USP8: variants seen among roughly 807,000 people sequenced by gnomAD.
USP8 encodes ubiquitin specific peptidase 8.
Under a neutral mutation model 130.0 loss-of-function variants are expected in USP8, and 27 were observed. The observed-to-expected ratio is 0.21, with a 90% CI of 0.15 to 0.29. The LOEUF (loss-of-function observed/expected upper bound fraction) is 0.29. Among genes scored for constraint, USP8 ranks in the 10% least tolerant of loss-of-function variants. USP8 has a pLI of 1.00. For synonymous variants in USP8, 392 were observed against 444.1 expected (o/e 0.88, Z 1.48); for missense variants, 1,029 against 1,312.2 (o/e 0.78, Z 3.33).
At chr15:50,488,159 A>C (rs991998066) in intron 12 of USP8, among the ~76,000 whole-genome samples, 1 of 152,124 alleles carries the variant, frequency 6.6e-6, no homozygotes, top group Non-Finnish European at 1.5e-5. Flanking sequence ...TGCTGTTGGT[A>C]TTGTATCTAA....
At chr15:50,447,792 C>T (rs967464163) in intron 3 of USP8, among the ~76,000 whole-genome samples, 1 of 148,508 alleles carries the variant, frequency 6.7e-6, no homozygotes, top group African/African-American at 2.5e-5. Context: ...TTGTGGGGAA[C>T]GGGGTCTCAC....
intron 17 of USP8, 26 bp from the exon 18 acceptor site, chr15:50,497,063 A>G: frequency 1.3e-6 from 2 of 1,585,110 alleles, no homozygotes; most frequent in Non-Finnish European, 1.7e-6. Context: ...ATTAACGAGT[A>G]TCTGCTACTT....
At chr15:50,468,300 A>G (rs1373842304) in intron 7 of USP8, among the ~76,000 whole-genome samples, 3 of 148,770 alleles carry the variant, frequency 2.0e-5, no homozygotes, top group Admixed American at 6.9e-5. Flanking sequence ...CAGTTGTACA[A>G]TCTTGGCTCA....
chr15:50,462,256 C>CTT (rs376262830), intron 5 of USP8, 24 bp from the exon 6 acceptor site: 23 of 1,220,882 alleles, frequency 1.9e-5, no homozygotes, highest in Admixed American at 1.9e-4. Context: ...AAAGTTGAAA[C>CTT]TTTTTTTTTT....
intron 3 of USP8, among the ~76,000 whole-genome samples, chr15:50,442,147 T>A (rs903056055): frequency 2.6e-5 from 4 of 152,002 alleles, no homozygotes; most frequent in African/African-American, 9.7e-5. Context: ...GCTAATTTTG[T>A]ATTTTTGGTA....
At chr15:50,440,611 A>C (rs983827809) in intron 2 of USP8, among the ~76,000 whole-genome samples, 2 of 152,198 alleles carry the variant, frequency 1.3e-5, no homozygotes, top group Non-Finnish European at 2.9e-5. Context: ...ATGTAGAACC[A>C]GTGGTATCCC....
intron 12 of USP8, among the ~76,000 whole-genome samples, chr15:50,488,025 A>T (rs1415134248): frequency 6.6e-6 from 1 of 152,232 alleles, no homozygotes; most frequent in African/African-American, 2.4e-5. Flanking sequence ...AACTTTTTTT[A>T]AATGACATTT....
chr15:50,449,283 C>A, intron 3 of USP8, 117 bp from the exon 4 acceptor site: 1 of 513,658 alleles, frequency 1.9e-6, no homozygotes, highest in Non-Finnish European at 3.2e-6. Context: ...AAAAATCTTC[C>A]ATTGTAATAA....
chr15:50,481,326 A>T (rs1378834860), intron 10 of USP8, among the ~76,000 whole-genome samples, 155 bp from the exon 11 acceptor site: 2 of 152,210 alleles, frequency 1.3e-5, no homozygotes, highest in Non-Finnish European at 2.9e-5. Context: ...GTTCTGTTTT[A>T]TGAGAAATCT....
At position 50,511,320 on chromosome 15, in the gene USP8, C is replaced by G. The variant is rs2052737111; in HGVS notation, c.*12232C>G. Reference sequence around the variant, plus strand: ...GAAACTGGAACCTTAGTTCCAGTTGCTGGTGGGAACGTAAAATGCTGCTGC... The same window carrying G: ...GAAACTGGAACCTTAGTTCCAGTTGGTGGTGGGAACGTAAAATGCTGCTGC... On this transcript the variant is annotated 3_prime_UTR_variant, in exon 20 of 20. Coordinates refer to ENST00000307179, the MANE Select transcript of USP8 (RefSeq NM_005154.5). 6.6e-6 allele frequency: 1 copy of G among 152,096 alleles called. No homozygotes were observed. The allele number at this position is 152,096 out of a possible 1,614,324, so 9.4% of individuals were successfully genotyped here. A position where few individuals can be genotyped will look rare whatever the true frequency, so the allele number is the denominator to read the frequency against.
At position 50,508,550 on chromosome 15, in the gene USP8, C is replaced by T. The variant is rs2052694294; in HGVS notation, c.*9462C>T. On this transcript the variant is annotated 3_prime_UTR_variant, in exon 20 of 20. Transcript: ENST00000307179. ...ATAGACTGAGTGTTAATACACTGGA[C>T]ACTCAGTTTAAAACATTAAAACATA... 1 of 152,002 alleles carries T rather than the reference C, an allele frequency of 6.6e-6. No individual in the cohort carries two copies. Among genetic ancestry groups the T allele is most frequent in the Non-Finnish European group, 1.5e-5 (1 of 68,000 alleles). 9.4% of individuals were successfully genotyped at this position (152,002 alleles called of 1,614,324 possible).
At chr15:50,438,123 A>G (rs2050143320) in intron 1 of USP8, among the ~76,000 whole-genome samples, 1 of 152,232 alleles carries the variant, frequency 6.6e-6, no homozygotes, top group South Asian at 2.1e-4. Flanking sequence ...ATAAAATGTT[A>G]CTAGAATTAA....
At chr15:50,446,992 T>C (rs2050464775) in intron 3 of USP8, among the ~76,000 whole-genome samples, 1 of 152,238 alleles carries the variant, frequency 6.6e-6, no homozygotes, top group Admixed American at 6.5e-5. Flanking sequence ...AAATTAAATC[T>C]TTTGCTATAT....
intron 3 of USP8, among the ~76,000 whole-genome samples, chr15:50,442,940 A>T (rs1257634193): frequency 1.3e-5 from 2 of 152,164 alleles, no homozygotes; most frequent in South Asian, 2.1e-4. Context: ...TAATAATGAG[A>T]TTTTATTTTG....
In USP8 at chr15:50,439,062, A is replaced by G. The variant is rs371793258; in HGVS notation, c.-12A>G. The G allele has an allele frequency of 1.1e-5, 18 of 1,594,990 alleles. No individual in the cohort carries two copies. In the African/African-American group the frequency reaches 2.4e-4, roughly 21 times the overall value. On this transcript the variant is annotated 5_prime_UTR_variant, in exon 2 of 20. Transcript: ENST00000307179. ...ATCCATTGTGAAAGTGGAAAAGTAA[A>G]GATAATTCATCATGCCTGCTGTGGC...
intron 1 of USP8, among the ~76,000 whole-genome samples, chr15:50,426,495 C>T (rs756554851): frequency 2.0e-5 from 3 of 152,158 alleles, no homozygotes; most frequent in Non-Finnish European, 4.4e-5. Flanking sequence ...GAGTTTAATG[C>T]GTTTGTATTC....
At chr15:50,474,002 A>AT (rs2051476979) in intron 8 of USP8, among the ~76,000 whole-genome samples, 2 of 150,878 alleles carry the variant, frequency 1.3e-5, no homozygotes, top group Admixed American at 1.3e-4. Context: ...TGCACAGCTA[A>AT]TTTTTTACTT....
rs748770870 is a variant in USP8, at chr15:50,504,134, TAAC to T, written c.*5050_*5052del. 6.6e-6 allele frequency: 1 copy of T among 152,226 alleles called. No individual in the cohort carries two copies. Among genetic ancestry groups the T allele is most frequent in the Non-Finnish European group, 1.5e-5 (1 of 68,034 alleles). The allele number at this position is 152,226 out of a possible 1,614,324, so 9.4% of individuals were successfully genotyped here. A position where few individuals can be genotyped will look rare whatever the true frequency, so the allele number is the denominator to read the frequency against. Reference sequence around the variant, plus strand: ...AATATACATATTTTAAAATACAGTGTAACAACTATTTACATAGTATTTATATTG... The same window carrying T: ...AATATACATATTTTAAAATACAGTGTAACTATTTACATAGTATTTATATTG... On this transcript the variant is annotated 3_prime_UTR_variant, in exon 20 of 20. Transcript: ENST00000307179.
At chr15:50,459,984 C>T (rs2050927499) in intron 5 of USP8, among the ~76,000 whole-genome samples, 1 of 93,992 alleles carries the variant, frequency 1.1e-5, no homozygotes, top group African/African-American at 3.7e-5. Context: ...CCCCAGTTCC[C>T]CCACCCCCCC....
Sources: gnomAD v4.1 joint callset for allele counts (sites outside exome capture counted in the v4.1 genomes callset) on GRCh38, gnomAD v4.1.1 for gene constraint, MANE v1.5 for transcripts, NCBI Gene and HGNC (gene_info 2026-07-23, HGNC 2026-07-21) for gene names.